SSUH2: variants seen among roughly 807,000 people sequenced by gnomAD.
SSUH2 encodes the protein ssu-2 homolog.
SSUH2 carries 47 observed loss-of-function variants against 55.3 expected under a neutral mutation model. The observed-to-expected ratio is 0.85, with a 90% CI of 0.67 to 1.08. The LOEUF is 1.08. Among genes scored for constraint, SSUH2 ranks in the 50% least tolerant of loss-of-function variants. SSUH2 has a pLI of 0.00. For missense variants in SSUH2, 535 were observed against 490.7 expected (o/e 1.09, Z -0.85); for synonymous variants, 212 against 191.5 (o/e 1.11, Z -0.89).
intron 1 of SSUH2, among the ~76,000 whole-genome samples, chr3:8,680,979 C>G (rs1164883691): frequency 1.3e-5 from 2 of 151,526 alleles, no homozygotes; most frequent in African/African-American, 2.4e-5. Flanking sequence ...CTCTTCCCTC[C>G]CTGGCTCTTA....
At chr3:8,623,348 G>A (rs559138227) in intron 11 of SSUH2, 16 of 510,944 alleles carry the variant, frequency 3.1e-5, no homozygotes, top group South Asian at 2.6e-4. Context: ...TGCGACCCAC[G>A]GTCCTTCCTG....
intron 7 of SSUH2, among the ~76,000 whole-genome samples, chr3:8,653,903 C>T (rs377737620): frequency 9.9e-5 from 15 of 152,180 alleles, no homozygotes; most frequent in Admixed American, 6.5e-5. Flanking sequence ...ACCCTTCCAC[C>T]CCACCCAGTG....
At chr3:8,630,009 C>T (rs1397379899) in intron 6 of SSUH2, among the ~76,000 whole-genome samples, 1 of 152,154 alleles carries the variant, frequency 6.6e-6, no homozygotes, top group Non-Finnish European at 1.5e-5. Context: ...GGTTTCCTAC[C>T]AGGCTGAACT....
intron 4 of SSUH2, among the ~76,000 whole-genome samples, chr3:8,633,453 C>T (rs1383097545): frequency 6.6e-6 from 1 of 152,220 alleles, no homozygotes; most frequent in Non-Finnish European, 1.5e-5. Flanking sequence ...AGCCGCCGCA[C>T]CCGGCCTGAC....
At chr3:8,663,547 G>T (rs1421940723) in intron 6 of SSUH2, among the ~76,000 whole-genome samples, 1 of 152,162 alleles carries the variant, frequency 6.6e-6, no homozygotes. Flanking sequence ...GGGGTCAGGT[G>T]GGGGCCACAG....
chr3:8,669,024 A>G (rs72624405), intron 5 of SSUH2, among the ~76,000 whole-genome samples: 12,921 of 152,038 alleles, frequency 0.085, 654 homozygotes, highest in East Asian at 0.19. Context: ...AAAAGGAAGG[A>G]AGGGAGGGAG....
chr3:8,668,122 T>A (rs1344093163), intron 5 of SSUH2, among the ~76,000 whole-genome samples: 1 of 151,978 alleles, frequency 6.6e-6, no homozygotes, highest in Admixed American at 6.6e-5. Flanking sequence ...CCCAGCTATA[T>A]GGAGAGTTAA....
chr3:8,678,476 A>C, intron 2 of SSUH2, among the ~76,000 whole-genome samples: 1 of 143,492 alleles, frequency 7.0e-6, no homozygotes. Context: ...GGCTCTTAGG[A>C]CCCCCATTGC....
rs750887024 is a variant in SSUH2 at position 8,633,650 on chromosome 3, G to A, written c.339+16C>T. The A allele has an allele frequency of 2.8e-5, 42 of 1,500,956 alleles. No homozygotes were observed. Among genetic ancestry groups the A allele is most frequent in the African/African-American group, 7.0e-5 (5 of 71,236 alleles). The allele number at this position is 1,500,956 out of a possible 1,614,324, so 93.0% of individuals were successfully genotyped here. A position where few individuals can be genotyped will look rare whatever the true frequency, so the allele number is the denominator to read the frequency against. The stretch of plus-strand genomic sequence containing the variant: ...AGCCCCCCGGCCAAGGCCCCCCACC[G>A]GCCCTGGCCTCTCACCCTGCAGAGG... On this transcript the variant is annotated intron_variant, in intron 4 of 11. Coordinates refer to ENST00000544814, the MANE Select transcript of SSUH2 (RefSeq NM_001256748.3).
chr3:8,666,787 G>C (rs7625794), intron 5 of SSUH2, among the ~76,000 whole-genome samples: 1 of 151,996 alleles, frequency 6.6e-6, no homozygotes, highest in Non-Finnish European at 1.5e-5. Flanking sequence ...GACACCAGTT[G>C]CAAGTCCAGG....
chr3:8,631,940 C>T, intron 5 of SSUH2, 109 bp downstream of exon 5: 3 of 850,966 alleles, frequency 3.5e-6, no homozygotes, highest in Non-Finnish European at 5.9e-6. Context: ...AGGCTCCAAG[C>T]AGAAGACCAT....
chr3:8,657,451 G>A (rs1703048589), intron 7 of SSUH2, among the ~76,000 whole-genome samples: 1 of 151,780 alleles, frequency 6.6e-6, no homozygotes, highest in Admixed American at 6.6e-5. Flanking sequence ...GGCATGACAT[G>A]GACACGTGGA....
At chr3:8,662,762 T>C (rs1277942619) in intron 6 of SSUH2, among the ~76,000 whole-genome samples, 10 of 152,160 alleles carry the variant, frequency 6.6e-5, no homozygotes, top group Admixed American at 2.0e-4. Flanking sequence ...TAGGCAGATG[T>C]CATTTCCTAC....
At chr3:8,622,878 A>G (rs901019481) in intron 11 of SSUH2, among the ~76,000 whole-genome samples, 1 of 152,026 alleles carries the variant, frequency 6.6e-6, no homozygotes, top group Non-Finnish European at 1.5e-5. Context: ...TGAAGGAGGG[A>G]AGTGGCTGGC....
chr3:8,675,124 C>T (rs961390640), intron 3 of SSUH2, among the ~76,000 whole-genome samples: 15 of 152,202 alleles, frequency 9.9e-5, no homozygotes, highest in Admixed American at 7.2e-4. Flanking sequence ...ACTGACTTTA[C>T]ATCCAACAGT....
At chr3:8,680,603 C>T (rs1477701960) in intron 1 of SSUH2, among the ~76,000 whole-genome samples, 1 of 152,048 alleles carries the variant, frequency 6.6e-6, no homozygotes, top group Non-Finnish European at 1.5e-5. Context: ...GCGTGTCCAC[C>T]TTCTGTCATA....
At chr3:8,678,982 A>C (rs1575413052) in intron 2 of SSUH2, among the ~76,000 whole-genome samples, 2 of 84,132 alleles carry the variant, frequency 2.4e-5, no homozygotes, top group Non-Finnish European at 5.4e-5. Context: ...GCGGAGAGTC[A>C]CCCCCCGCGA....
At chr3:8,625,142 T>C (rs1448351814) in intron 10 of SSUH2, among the ~76,000 whole-genome samples, 1 of 151,958 alleles carries the variant, frequency 6.6e-6, no homozygotes, top group African/African-American at 2.4e-5. Flanking sequence ...CTTGTTTTAT[T>C]TGCCATGGTC....
At chr3:8,663,738 T>G (rs1221980388) in intron 6 of SSUH2, 1 of 454,092 alleles carries the variant, frequency 2.2e-6, no homozygotes, top group Admixed American at 2.4e-5. Context: ...CCATAGACGC[T>G]CTTACCTTAA....
Sources: allele counts gnomAD v4.1 joint callset (sites outside exome capture counted in the v4.1 genomes callset), GRCh38; gene constraint gnomAD v4.1.1; transcripts MANE v1.5; gene names NCBI Gene and HGNC (gene_info 2026-07-23, HGNC 2026-07-21).